The following SEMA6D variants were observed in gnomAD, a reference collection of about 807,000 sequenced individuals.
SEMA6D encodes semaphorin 6D, also known as semaphorin-6D.
In SEMA6D, 35 loss-of-function variants were observed where a neutral mutation model predicts 106.6. That is an observed-to-expected ratio of 0.33 (90% confidence interval 0.25 to 0.44). The LOEUF is 0.44. Ranked by LOEUF, SEMA6D falls within the 20% of genes least tolerant of loss-of-function variation. The pLI is 1.00. For synonymous variants in SEMA6D, 499 were observed against 487.7 expected, an observed-to-expected ratio of 1.02 and a Z score of -0.31; for missense variants, 1,185 against 1,345.9, an observed-to-expected ratio of 0.88 and a Z score of 1.87.
At chr15:47,461,367 G>T (rs2042504852) in intron 2 of SEMA6D, among the ~76,000 whole-genome samples, 1 of 151,884 alleles carries the variant, frequency 6.6e-6, no homozygotes, top group Middle Eastern at 3.2e-3. Context: ...AATGTATGCT[G>T]CATAAATACA....
intron 1 of SEMA6D, among the ~76,000 whole-genome samples, chr15:47,333,229 A>T (rs1048326897): frequency 6.6e-6 from 1 of 152,194 alleles, no homozygotes; most frequent in Non-Finnish European, 1.5e-5. Context: ...ATAAGTCATG[A>T]TTAACAGATT....
chr15:47,760,829 A>G (rs937210332), intron 3 of SEMA6D, 149 bp from the exon 4 acceptor site: 83 of 711,258 alleles, frequency 1.2e-4, no homozygotes, highest in Non-Finnish European at 1.9e-4. Flanking sequence ...CACTAATGAA[A>G]AAGTACTCTT....
At chr15:47,195,501 A>T (rs1014833452) in intron 1 of SEMA6D, among the ~76,000 whole-genome samples, 26 of 152,150 alleles carry the variant, frequency 1.7e-4, no homozygotes, top group African/African-American at 5.8e-4. Flanking sequence ...TAATACAAAA[A>T]TTTTCCAGGG....
chr15:47,241,299 T>C (rs1186623264), intron 1 of SEMA6D: 1 of 152,140 alleles, frequency 6.6e-6, no homozygotes, highest in Non-Finnish European at 1.5e-5. Flanking sequence ...AGTCCATCCT[T>C]GAATTTCACA....
chr15:47,236,343 T>C (rs2032537960), intron 1 of SEMA6D, among the ~76,000 whole-genome samples: 1 of 152,116 alleles, frequency 6.6e-6, no homozygotes, highest in South Asian at 2.1e-4. Flanking sequence ...AGAGGATTCA[T>C]GTGGGGTTCT....
chr15:47,643,817 T>A (rs1208697466), intron 4 of SEMA6D, among the ~76,000 whole-genome samples: 1 of 152,206 alleles, frequency 6.6e-6, no homozygotes, highest in Admixed American at 6.5e-5. Context: ...ATTTTGTTAG[T>A]TATAGTCACT....
At chr15:47,510,708 G>A (rs545698685) in intron 3 of SEMA6D, among the ~76,000 whole-genome samples, 1 of 152,330 alleles carries the variant, frequency 6.6e-6, no homozygotes, top group Non-Finnish European at 1.5e-5. Flanking sequence ...GAAGAGCAGA[G>A]ACTGTGGGTG....
intron 3 of SEMA6D, among the ~76,000 whole-genome samples, chr15:47,573,269 G>A (rs2076094641): frequency 6.6e-6 from 1 of 151,876 alleles, no homozygotes; most frequent in Non-Finnish European, 1.5e-5. Context: ...CTCAAGATTT[G>A]TTTTAAACAA....
At chr15:47,370,508 C>T (rs2145379076) in intron 1 of SEMA6D, among the ~76,000 whole-genome samples, 1 of 151,632 alleles carries the variant, frequency 6.6e-6, no homozygotes, top group Middle Eastern at 3.4e-3. Flanking sequence ...GAGACAGACT[C>T]TGTCTCAAAA....
chr15:47,620,282 C>T (rs192401723), intron 4 of SEMA6D, among the ~76,000 whole-genome samples: 71 of 152,268 alleles, frequency 4.7e-4, no homozygotes, highest in Non-Finnish European at 8.8e-4. Context: ...CATTTGCAAG[C>T]GATCTCACAC....
chr15:47,602,885 C>T (rs2076692490), intron 4 of SEMA6D, among the ~76,000 whole-genome samples: 2 of 152,136 alleles, frequency 1.3e-5, no homozygotes, highest in African/African-American at 4.8e-5. Context: ...CAACGTAGAA[C>T]ATCACTAAGA....
chr15:47,614,799 A>G (rs1371087970), intron 4 of SEMA6D, among the ~76,000 whole-genome samples: 1 of 152,206 alleles, frequency 6.6e-6, no homozygotes, highest in African/African-American at 2.4e-5. Context: ...TCTGCCACTT[A>G]GCATGTGTGA....
chr15:47,626,038 T>C (rs746320005), intron 4 of SEMA6D, among the ~76,000 whole-genome samples: 3 of 152,164 alleles, frequency 2.0e-5, no homozygotes, highest in Non-Finnish European at 2.9e-5. Context: ...GTGAATGAGA[T>C]TGAGCCTTAG....
upstream of SEMA6D, among the ~76,000 whole-genome samples, chr15:47,714,859 A>C (rs564126960): frequency 3.3e-5 from 5 of 152,358 alleles, no homozygotes; most frequent in South Asian, 1.0e-3. Flanking sequence ...AGATCTGTTT[A>C]ACAAGTATTT....
chr15:47,443,051 TAGCC>T (rs1364108365), intron 2 of SEMA6D, among the ~76,000 whole-genome samples: 1 of 152,094 alleles, frequency 6.6e-6, no homozygotes, highest in Non-Finnish European at 1.5e-5. Context: ...ACTAGAAAAT[TAGCC>T]TTCTGCCAGT....
intron 1 of SEMA6D, among the ~76,000 whole-genome samples, chr15:47,376,815 G>A (rs1374697431): frequency 2.6e-5 from 4 of 152,220 alleles, no homozygotes; most frequent in African/African-American, 7.2e-5. Flanking sequence ...TTGACCCTTT[G>A]TAAATTTGTT....
At position 47,188,731 on chromosome 15, in the gene SEMA6D, G is replaced by A. The variant is rs143966430; in HGVS notation, c.-239+4313G>A. ...TTTTCTTTTTCAATTGTGGAAGAAG[G>A]CAGATCATCAAAGTTGTTATGAATA... is the stretch of plus-strand genomic sequence containing the variant. On this transcript the variant is annotated intron_variant, in intron 1 of 19. Coordinates refer to the SEMA6D transcript ENST00000558014. Among the ~76,000 whole-genome samples the A allele has an allele frequency of 3.2e-4, 48 of 152,230 alleles. 1 individual carries two copies. Among genetic ancestry groups the A allele is most frequent in the African/African-American group, 8.2e-4 (34 of 41,552 alleles).
At chr15:47,296,204 A>G (rs534111729) in intron 1 of SEMA6D, among the ~76,000 whole-genome samples, 1 of 152,126 alleles carries the variant, frequency 6.6e-6, no homozygotes, top group Non-Finnish European at 1.5e-5. Flanking sequence ...TTGCTATCCA[A>G]TGTAGGAGGT....
At chr15:47,715,561 T>C (rs1031196707), upstream of SEMA6D, among the ~76,000 whole-genome samples, 1 of 152,134 alleles carries the variant, frequency 6.6e-6, no homozygotes, top group Non-Finnish European at 1.5e-5. Context: ...AAGCCAAATA[T>C]AGGGATCGAC....
Sources: gnomAD v4.1 joint callset for allele counts (sites outside exome capture counted in the v4.1 genomes callset) on GRCh38, gnomAD v4.1.1 for gene constraint, MANE v1.5 for transcripts, NCBI Gene and HGNC (gene_info 2026-07-23, HGNC 2026-07-21) for gene names.